WWC2: variants seen among roughly 807,000 people sequenced by gnomAD.
WWC2 encodes the protein protein WWC2.
Under a neutral mutation model 138.5 loss-of-function variants are expected in WWC2, and 101 were observed. The observed-to-expected ratio is 0.73, with a 90% CI of 0.62 to 0.86. The LOEUF (loss-of-function observed/expected upper bound fraction) is 0.86. Among genes scored for constraint, WWC2 ranks in the 40% least tolerant of loss-of-function variants. The pLI, the probability that WWC2 is intolerant of heterozygous loss-of-function variation, is 0.00. For missense variants in WWC2, 1,420 were observed against 1,419.4 expected, an observed-to-expected ratio of 1.00 and a Z score of -0.01; for synonymous variants, 558 against 538.4, an observed-to-expected ratio of 1.04 and a Z score of -0.50.
chr4:183,311,503 C>T (rs375504344), intron 21 of WWC2, among the ~76,000 whole-genome samples: 1 of 152,074 alleles, frequency 6.6e-6, no homozygotes, highest in African/African-American at 2.4e-5. Context: ...GAGTGTTCTC[C>T]CCTTCCTCCG....
intron 16 of WWC2, among the ~76,000 whole-genome samples, chr4:183,273,619 A>G (rs1184186696): frequency 6.6e-6 from 1 of 152,032 alleles, no homozygotes; most frequent in Non-Finnish European, 1.5e-5. Context: ...TTTTTTTATT[A>G]TTGACTTATA....
intron 1 of WWC2, among the ~76,000 whole-genome samples, chr4:183,111,027 C>T (rs1244321234): frequency 6.6e-6 from 1 of 152,000 alleles, no homozygotes; most frequent in Non-Finnish European, 1.5e-5. Flanking sequence ...ATCACGAGGT[C>T]AGGAGATTGA....
intron 21 of WWC2, among the ~76,000 whole-genome samples, chr4:183,300,630 G>A (rs975880984): frequency 3.2e-4 from 49 of 152,070 alleles, no homozygotes; most frequent in Admixed American, 1.3e-4. Context: ...CTAATTTGTG[G>A]AGAAAGATAT....
At chr4:183,217,107 A>G (rs1424378159) in intron 4 of WWC2, among the ~76,000 whole-genome samples, 2 of 152,238 alleles carry the variant, frequency 1.3e-5, no homozygotes, top group Non-Finnish European at 2.9e-5. Flanking sequence ...TGAAAGGATC[A>G]AATTGATTTA....
chr4:183,105,508 T>C (rs995876676), intron 1 of WWC2, among the ~76,000 whole-genome samples: 3 of 152,232 alleles, frequency 2.0e-5, no homozygotes, highest in African/African-American at 7.2e-5. Context: ...CCTAATACAC[T>C]GTGAATTCCT....
At chr4:183,111,947 C>T (rs767820524) in intron 1 of WWC2, among the ~76,000 whole-genome samples, 2 of 152,168 alleles carry the variant, frequency 1.3e-5, no homozygotes, top group African/African-American at 4.8e-5. Flanking sequence ...TTTCTCCCAT[C>T]GTGGCCTCCC....
At chr4:183,121,435 T>C (rs1185039650) in intron 1 of WWC2, among the ~76,000 whole-genome samples, 1 of 152,116 alleles carries the variant, frequency 6.6e-6, no homozygotes, top group Non-Finnish European at 1.5e-5. Context: ...AATGCTCCAA[T>C]GAGCAATTTC....
chr4:183,293,383 A>G (rs1738525133), intron 21 of WWC2, among the ~76,000 whole-genome samples: 1 of 152,218 alleles, frequency 6.6e-6, no homozygotes, highest in African/African-American at 2.4e-5. Context: ...AAGGAGAAAA[A>G]TCATTTGGTC....
At chr4:183,215,673 C>T (rs191014248) in intron 4 of WWC2, among the ~76,000 whole-genome samples, 45 of 152,148 alleles carry the variant, frequency 3.0e-4, no homozygotes, top group Non-Finnish European at 6.0e-4. Flanking sequence ...GTTTGGCCTC[C>T]TTTTCTAGCT....
intron 5 of WWC2, among the ~76,000 whole-genome samples, chr4:183,242,173 G>A (rs780982855): frequency 1.7e-4 from 26 of 152,184 alleles, no homozygotes; most frequent in South Asian, 4.2e-4. Flanking sequence ...TTATTCAAAT[G>A]TTAACCACCA....
intron 1 of WWC2, among the ~76,000 whole-genome samples, chr4:183,192,767 A>T (rs975922571): frequency 2.6e-5 from 4 of 151,954 alleles, no homozygotes; most frequent in African/African-American, 9.7e-5. Context: ...TGGTGGCCAC[A>T]CTCCAGCAAG....
At chr4:183,143,966 C>T (rs1168743942) in intron 1 of WWC2, among the ~76,000 whole-genome samples, 6 of 152,014 alleles carry the variant, frequency 3.9e-5, no homozygotes, top group African/African-American at 9.7e-5. Flanking sequence ...TTTGATATTC[C>T]AGAATGAACT....
chr4:183,196,124 A>C (rs1396536221), intron 2 of WWC2, among the ~76,000 whole-genome samples: 1 of 152,106 alleles, frequency 6.6e-6, no homozygotes, highest in Non-Finnish European at 1.5e-5. Flanking sequence ...CCAAGAGTAA[A>C]AGTTCCCTGA....
chr4:183,189,788 GT>G (rs1182190111), intron 1 of WWC2, among the ~76,000 whole-genome samples: 4 of 152,150 alleles, frequency 2.6e-5, no homozygotes, highest in Admixed American at 6.5e-5. Flanking sequence ...AACCTGAAAT[GT>G]TTTTTTTAAG....
At chr4:183,187,196 G>A (rs1008226908) in intron 1 of WWC2, among the ~76,000 whole-genome samples, 1 of 151,918 alleles carries the variant, frequency 6.6e-6, no homozygotes, top group Admixed American at 6.6e-5. Context: ...TTTGTGACAC[G>A]TTTTACGTTT....
At chr4:183,245,598 G>C in intron 6 of WWC2, 53 bp downstream of exon 6, 7 of 1,491,586 alleles carry the variant, frequency 4.7e-6, no homozygotes, top group Non-Finnish European at 6.2e-6. Context: ...GAGGCCCCCA[G>C]AAACTCTTAC....
chr4:183,251,626 C>T (rs890597515), intron 8 of WWC2, among the ~76,000 whole-genome samples: 4 of 152,206 alleles, frequency 2.6e-5, no homozygotes, highest in Admixed American at 2.0e-4. Flanking sequence ...AATAAACGGG[C>T]GCCTCTTTTT....
Position 183,268,980 on chromosome 4 carries a change from G to A in WWC2, c.2217G>A (p.Arg739=), listed in dbSNP as rs1349432493. Reference sequence around the variant, plus strand: ...TTCTTGTTCTTTGCAGATATTTTAGGGTTGCCGTTCTTCCTTCCTCAACTG... The same window carrying A: ...TTCTTGTTCTTTGCAGATATTTTAGAGTTGCCGTTCTTCCTTCCTCAACTG... ...LIPHTSKVYF[R]VAVLPSSTDV... The change falls in exon 15 of 23, where the codon AGG becomes AGA. Residue 739 remains arginine (R), a synonymous_variant. Coordinates refer to ENST00000403733, the MANE Select transcript of WWC2 (RefSeq NM_024949.6). 8.7e-6 allele frequency: 14 copies of A among 1,611,434 alleles called. No homozygotes were observed. Among genetic ancestry groups the A allele is most frequent in the Non-Finnish European group, 1.1e-5 (13 of 1,179,186 alleles).
chr4:183,293,861 CA>C (rs1241265911), intron 21 of WWC2, among the ~76,000 whole-genome samples: 1 of 151,830 alleles, frequency 6.6e-6, no homozygotes, highest in South Asian at 2.1e-4. Context: ...ATAAATTTAA[CA>C]AAAATAAACC....
Sources: gnomAD v4.1 joint callset for allele counts (sites outside exome capture counted in the v4.1 genomes callset) on GRCh38, gnomAD v4.1.1 for gene constraint, MANE v1.5 for transcripts, NCBI Gene and HGNC (gene_info 2026-07-23, HGNC 2026-07-21) for gene names.